Variants in CYFIP1 observed in about 807,000 individuals in gnomAD.
CYFIP1 encodes cytoplasmic FMR1-interacting protein 1.
In CYFIP1, 58 loss-of-function variants were observed where a neutral mutation model predicts 163.5. The ratio of observed to expected loss-of-function variants is 0.35; its 90% CI spans 0.29 to 0.44. The LOEUF is 0.44. CYFIP1 is among the 20% of genes least tolerant of loss of function. The pLI, the probability that CYFIP1 is intolerant of heterozygous loss-of-function variation, is 1.00. For missense variants in CYFIP1, 1,338 were observed against 1,653.8 expected, an observed-to-expected ratio of 0.81 and a Z score of 3.31; for synonymous variants, 663 against 660.7, an observed-to-expected ratio of 1.00 and a Z score of -0.05.
Position 22,937,104 on chromosome 15 carries a change from C to G in CYFIP1, c.900G>C (p.Lys300Asn). The change falls in exon 9 of 31, where the codon AAG becomes AAC. Residue 300 changes from lysine to asparagine, a missense_variant and splice_region_variant. Coordinates refer to ENST00000617928, the MANE Select transcript of CYFIP1 (RefSeq NM_014608.6). ...ATTGATCTAAAAACATGTAACTCACCTTGAAGTACTTGTCGATTTTGGATA... is the reference window on the plus strand; with the variant it reads ...ATTGATCTAAAAACATGTAACTCACGTTGAAGTACTTGTCGATTTTGGATA... ...INLSKIDKYF[K>N]QLQVVPLFGD... is the part of the protein sequence containing the mutation. The G allele has an allele frequency of 6.3e-7, 1 of 1,587,482 alleles. No homozygotes were observed. The highest frequency in any genetic ancestry group is 1.1e-5 in the South Asian group (1 of 90,446).
intron 1 of CYFIP1, among the ~76,000 whole-genome samples, chr15:22,949,300 C>T (rs1318995463): frequency 2.4e-5 from 2 of 82,184 alleles, no homozygotes; most frequent in African/African-American, 9.2e-5. Flanking sequence ...GGCCGGAAGG[C>T]GGGCACAATG....
chr15:22,944,753 G>C, intron 4 of CYFIP1, 94 bp from the exon 5 acceptor site: 1 of 1,513,172 alleles, frequency 6.6e-7, no homozygotes, highest in Non-Finnish European at 9.2e-7. Context: ...CCCTGCTGTG[G>C]GGTGAGAACT....
At chr15:22,921,784 A>AAAC (rs1555409979) in intron 13 of CYFIP1, among the ~76,000 whole-genome samples, 2 of 142,208 alleles carry the variant, frequency 1.4e-5, no homozygotes, top group African/African-American at 2.6e-5. Context: ...AAAAAAAAAA[A>AAAC]AGAAGCACGA....
chr15:22,933,713 A>C, intron 10 of CYFIP1, 89 bp downstream of exon 10: 2 of 909,350 alleles, frequency 2.2e-6, no homozygotes, highest in Non-Finnish European at 3.5e-6. Flanking sequence ...TAACAGTGTT[A>C]TCTCTAGACA....
chr15:22,891,887 G>T (rs2060094047), intron 23 of CYFIP1, among the ~76,000 whole-genome samples: 1 of 152,234 alleles, frequency 6.6e-6, no homozygotes, highest in Non-Finnish European at 1.5e-5. Flanking sequence ...AAGCGTCCAG[G>T]TGCAGGCAGC....
chr15:22,942,526 C>A (rs2061923684), intron 6 of CYFIP1, among the ~76,000 whole-genome samples: 1 of 151,408 alleles, frequency 6.6e-6, no homozygotes, highest in African/African-American at 2.5e-5. Context: ...GCCCATCGGC[C>A]ACCCACTGCC....
At chr15:22,878,466 G>A (rs2059647973) in intron 26 of CYFIP1, among the ~76,000 whole-genome samples, 1 of 152,022 alleles carries the variant, frequency 6.6e-6, no homozygotes. Flanking sequence ...CACTAGAGGA[G>A]GGACAAATGG....
At chr15:22,967,659 C>G (rs1333930420) in intron 1 of CYFIP1, among the ~76,000 whole-genome samples, 1 of 152,166 alleles carries the variant, frequency 6.6e-6, no homozygotes, top group Non-Finnish European at 1.5e-5. Context: ...ATCAGGGCAA[C>G]CAAGAGCTCC....
intron 1 of CYFIP1, among the ~76,000 whole-genome samples, chr15:22,967,597 A>C (rs1199233378): frequency 6.6e-6 from 1 of 152,088 alleles, no homozygotes; most frequent in African/African-American, 2.4e-5. Context: ...ACCCCACCAC[A>C]GCCCGCAGCT....
chr15:22,886,645 C>T (rs1383225625), intron 23 of CYFIP1, among the ~76,000 whole-genome samples: 1 of 152,092 alleles, frequency 6.6e-6, no homozygotes, highest in Non-Finnish European at 1.5e-5. Flanking sequence ...TTGGAGAACA[C>T]TCTCCATAGG....
intron 23 of CYFIP1, among the ~76,000 whole-genome samples, chr15:22,891,357 G>C (rs1381336234): frequency 6.6e-6 from 1 of 152,138 alleles, no homozygotes. Flanking sequence ...CCCAGGAGGC[G>C]GAGGCTGCAG....
chr15:22,893,617 C>T (rs2060140829), intron 22 of CYFIP1, among the ~76,000 whole-genome samples: 1 of 152,184 alleles, frequency 6.6e-6, no homozygotes, highest in Non-Finnish European at 1.5e-5. Flanking sequence ...TATTCCACTT[C>T]AGGAAATGGA....
intron 1 of CYFIP1, among the ~76,000 whole-genome samples, chr15:22,975,691 A>C (rs904430860): frequency 2.6e-5 from 4 of 152,146 alleles, no homozygotes; most frequent in African/African-American, 9.7e-5. Context: ...CCCAGGAGGC[A>C]GAGGTTGCAG....
intron 1 of CYFIP1, among the ~76,000 whole-genome samples, chr15:22,970,486 C>G (rs773461490): frequency 6.6e-6 from 1 of 152,176 alleles, no homozygotes; most frequent in Non-Finnish European, 1.5e-5. Context: ...ATAGCCAAAG[C>G]AATCTTGAAA....
chr15:22,951,845 G>T (rs538424155), intron 1 of CYFIP1, among the ~76,000 whole-genome samples: 1 of 152,314 alleles, frequency 6.6e-6, no homozygotes, highest in East Asian at 1.9e-4. Flanking sequence ...TCGTGCGTCA[G>T]CTGTGATCCA....
intron 22 of CYFIP1, among the ~76,000 whole-genome samples, chr15:22,901,048 T>C (rs1326985009): frequency 1.3e-5 from 2 of 151,368 alleles, no homozygotes; most frequent in Non-Finnish European, 2.9e-5. Context: ...ATTAAAATTA[T>C]AAAAATTAGC....
intron 30 of CYFIP1, among the ~76,000 whole-genome samples, chr15:22,872,307 A>G (rs28641631): frequency 0.031 from 4,616 of 150,170 alleles, 253 homozygotes; most frequent in African/African-American, 0.11. Flanking sequence ...AAAAAAAAAA[A>G]AAAGAAAGAA....
At chr15:22,968,059 C>T in intron 1 of CYFIP1, among the ~76,000 whole-genome samples, 1 of 152,054 alleles carries the variant, frequency 6.6e-6, no homozygotes, top group South Asian at 2.1e-4. Flanking sequence ...TCGCTTGAAC[C>T]AGGGAGGTGG....
At chr15:22,939,537 A>C in intron 6 of CYFIP1, 30 bp from the exon 7 acceptor site, 2 of 1,295,230 alleles carry the variant, frequency 1.5e-6, no homozygotes, top group Non-Finnish European at 2.2e-6. Context: ...TCATCCCAAA[A>C]TGCACCAACG....
Sources: gnomAD v4.1 joint callset for allele counts (sites outside exome capture counted in the v4.1 genomes callset) on GRCh38, gnomAD v4.1.1 for gene constraint, MANE v1.5 for transcripts, NCBI Gene and HGNC (gene_info 2026-07-23, HGNC 2026-07-21) for gene names.